Variants in DLG3 observed in about 807,000 individuals in gnomAD.
The protein encoded by DLG3 is discs large MAGUK scaffold protein 3, also known as disks large homolog 3.
DLG3 carries 1 observed loss-of-function variant against 64.1 expected under a neutral mutation model. That is an observed-to-expected ratio of 0.02 (90% CI 0.01 to 0.07). DLG3 has a LOEUF of 0.07. DLG3 is among the 10% of genes least tolerant of loss of function. The pLI is 1.00. For missense variants in DLG3, 429 were observed against 669.5 expected (o/e 0.64, Z 3.96); for synonymous variants, 245 against 259.8 (o/e 0.94, Z 0.55).
At position 70,477,421 on chromosome X, in the gene DLG3, C is replaced by G. The variant is rs141014040; in HGVS notation, c.1406-1729C>G. Among the ~76,000 whole-genome samples the G allele has an allele frequency of 4.0e-3, 451 of 112,024 alleles. 3 individuals carry two copies. The highest frequency in any genetic ancestry group is 0.014 in the African/African-American group (439 of 30,841). On this transcript the variant is annotated intron_variant, in intron 9 of 18. Coordinates refer to ENST00000374360, the MANE Select transcript of DLG3 (RefSeq NM_021120.4). Reference sequence around the variant, plus strand: ...GGAACAAATGAGAAACAATCCCCACCCAGTGTAGAGGGCCAAGCCCTGGGG... The same window carrying G: ...GGAACAAATGAGAAACAATCCCCACGCAGTGTAGAGGGCCAAGCCCTGGGG...
At chrX:70,501,413 C>CTGTCTGTGTGTGTGTGTGTG (rs1421730747) in intron 18 of DLG3, among the ~76,000 whole-genome samples, 1,422 of 93,848 alleles carry the variant, frequency 0.015, 16 homozygotes, top group Non-Finnish European at 0.021. Context: ...GTCTGTCTGT[C>CTGTCTGTGTGTGTGTGTGTG]TGTGTGTGTG....
chrX:70,488,383 C>G (rs1422825634), intron 10 of DLG3, among the ~76,000 whole-genome samples: 2 of 111,833 alleles, frequency 1.8e-5, no homozygotes, highest in African/African-American at 6.5e-5. Context: ...GATAGAAGAG[C>G]CCTGGTCTGA....
At chrX:70,470,411 A>G (rs2086950781) in intron 9 of DLG3, among the ~76,000 whole-genome samples, 1 of 110,820 alleles carries the variant, frequency 9.0e-6, no homozygotes, top group South Asian at 3.9e-4. Context: ...TTGTATTTTT[A>G]GTAGAGACAG....
At position 70,450,233 on chromosome X, in the gene DLG3, C is replaced by T. The variant is rs2086604340; in HGVS notation, c.768C>T (p.Tyr256=). 2.5e-6 allele frequency: 3 copies of T among 1,207,316 alleles called. No homozygotes were observed. Among genetic ancestry groups the T allele is most frequent in the Non-Finnish European group, 3.4e-6 (3 of 893,751 alleles). The change falls in exon 5 of 19, where the codon TAC becomes TAT. Residue 256 remains tyrosine (Y), a synonymous_variant. Transcript: ENST00000374360. ...NQHIPGDNSI[Y]ITKIIEGGAA... ...ACATCCCAGGAGACAACAGCATCTACATCACCAAGATCATTGAGGGGGGTG... is the reference window on the plus strand; with the variant it reads ...ACATCCCAGGAGACAACAGCATCTATATCACCAAGATCATTGAGGGGGGTG...
intron 9 of DLG3, among the ~76,000 whole-genome samples, chrX:70,469,053 C>G (rs1043754943): frequency 2.7e-5 from 3 of 111,304 alleles, no homozygotes; most frequent in Admixed American, 1.9e-4. Flanking sequence ...CTCTGACACC[C>G]AGGCTGGAGT....
intron 1 of DLG3, 165 bp from the exon 2 acceptor site, chrX:70,448,748 G>A (rs149154322): frequency 3.1e-6 from 3 of 958,903 alleles, no homozygotes; most frequent in Non-Finnish European, 4.4e-6. Context: ...TGAGTGAGGA[G>A]CGGCCTCTTC....
intron 18 of DLG3, 103 bp downstream of exon 18, chrX:70,501,092 G>C (rs775987676): frequency 1.5e-6 from 1 of 652,302 alleles, no homozygotes; most frequent in African/African-American, 2.2e-5. Flanking sequence ...AACCTTGCAC[G>C]GAGTTTCCAG....
chrX:70,491,568 G>A (rs1007823806), intron 10 of DLG3, among the ~76,000 whole-genome samples: 11 of 112,465 alleles, frequency 9.8e-5, no homozygotes, highest in South Asian at 3.7e-4. Flanking sequence ...GAAAGAGACC[G>A]CACTAGGTGA....
At chrX:70,456,713 T>C (rs1397848246) in intron 9 of DLG3, among the ~76,000 whole-genome samples, 3 of 111,147 alleles carry the variant, frequency 2.7e-5, no homozygotes, top group Admixed American at 9.6e-5. Flanking sequence ...CTTCCTCCTT[T>C]GGTTTGGTAA....
Position 70,449,348 on chromosome X carries a change from C to T in DLG3, c.409-11C>T. Reference sequence around the variant, plus strand: ...AGTGAACAGACTGTGCCTTTCCACCCACTTCTGCAGGGCAACTCTGGCCTG... The same window carrying T: ...AGTGAACAGACTGTGCCTTTCCACCTACTTCTGCAGGGCAACTCTGGCCTG... On this transcript the variant is annotated splice_polypyrimidine_tract_variant and intron_variant, in intron 2 of 18. Transcript: ENST00000374360. 1 of 1,211,621 alleles carries T rather than the reference C, an allele frequency of 8.3e-7. No individual in the cohort carries two copies. The highest frequency in any genetic ancestry group is 3.0e-5 in the East Asian group (1 of 33,837).
At chrX:70,457,289 G>A (rs189716242) in intron 9 of DLG3, among the ~76,000 whole-genome samples, 1 of 111,861 alleles carries the variant, frequency 8.9e-6, no homozygotes, top group East Asian at 2.8e-4. Flanking sequence ...ACAGAGGACA[G>A]ACTAGGAAGA....
intron 6 of DLG3, 176 bp downstream of exon 6, chrX:70,450,959 G>A: frequency 1.8e-6 from 1 of 559,005 alleles, no homozygotes; most frequent in Non-Finnish European, 2.9e-6. Flanking sequence ...ACTTTGCTCA[G>A]TACCCCATCG....
chrX:70,471,885 G>A (rs5980943), intron 9 of DLG3, among the ~76,000 whole-genome samples: 17,496 of 110,632 alleles, frequency 0.16, 1,198 homozygotes, highest in Non-Finnish European at 0.2. Context: ...GCAGCTTCCC[G>A]GTCTCTGTTA....
chrX:70,449,603 G>A, intron 3 of DLG3, 87 bp from the exon 4 acceptor site: 1 of 1,162,741 alleles, frequency 8.6e-7, no homozygotes, highest in South Asian at 1.9e-5. Flanking sequence ...GAGGGCAGAG[G>A]AGGGGAGGAC....
chrX:70,466,328 T>C (rs1371919403), intron 9 of DLG3, among the ~76,000 whole-genome samples: 3 of 107,996 alleles, frequency 2.8e-5, no homozygotes, highest in Non-Finnish European at 3.8e-5. Flanking sequence ...CCCATTTCCC[T>C]ATTGGGGTGG....
intron 10 of DLG3, among the ~76,000 whole-genome samples, chrX:70,489,775 T>C (rs1342249215): frequency 8.9e-6 from 1 of 112,199 alleles, no homozygotes; most frequent in African/African-American, 3.2e-5. Flanking sequence ...CTAAAATGTA[T>C]CTTGTGTTTT....
intron 7 of DLG3, chrX:70,452,522 G>A: frequency 8.7e-7 from 1 of 1,151,847 alleles, no homozygotes; most frequent in Admixed American, 2.7e-5. Context: ...GGCCGGCTGG[G>A]GTTCCGGGGG....
rs1316661315 is a variant in DLG3 at position 70,445,205 on chromosome X, C to T, written c.4C>T (p.His2Tyr). 2.6e-6 allele frequency: 3 copies of T among 1,154,836 alleles called. No homozygotes were observed. The highest frequency in any genetic ancestry group is 3.6e-5 in the African/African-American group (2 of 56,240). ...CCGAGCCGCGGGGGGCAGTGCCATG[C>T]ACAAGCACCAGCACTGCTGTAAGTG... M[H>Y]KHQHCCKCPE... Residue 2 changes from histidine to tyrosine, a missense_variant, in exon 1 of 19, where the codon CAC (histidine) becomes TAC (tyrosine). Around this residue, in one of 9 missense-constraint regions of DLG3, gnomAD observed 123 missense variants for 113.3 expected, o/e 1.09. Transcript: ENST00000374360.
chrX:70,458,654 G>C (rs1228469126), intron 9 of DLG3, among the ~76,000 whole-genome samples: 1 of 112,535 alleles, frequency 8.9e-6, no homozygotes, highest in Non-Finnish European at 1.9e-5. Flanking sequence ...TATAGGAACT[G>C]TGTCTTTCTA....
Sources: gnomAD v4.1 joint callset for allele counts (sites outside exome capture counted in the v4.1 genomes callset) on GRCh38, gnomAD v4.1.1 for gene constraint, gnomAD v4.1.1 regional missense constraint, MANE v1.5 for transcripts, NCBI Gene and HGNC (gene_info 2026-07-23, HGNC 2026-07-21) for gene names.